Variants in LYPD8 observed in about 807,000 individuals in gnomAD.
The protein encoded by LYPD8 is ly6/PLAUR domain-containing protein 8.
Under a neutral mutation model 1.7 loss-of-function variants are expected in LYPD8, and 8 were observed. The ratio of observed to expected loss-of-function variants is 4.58; its 90% CI spans 2.69 to 8.27. LYPD8 has a LOEUF of 8.27. Among genes scored for constraint, LYPD8 ranks in the 30% most tolerant of loss-of-function variants. The probability of loss-of-function intolerance (pLI) is 0.00; values close to 1 mark genes in which losing one functional copy is unlikely to be tolerated. For missense variants in LYPD8, 112 were observed against 102.3 expected, an observed-to-expected ratio of 1.09 and a Z score of -0.41; for synonymous variants, 50 against 43.6, an observed-to-expected ratio of 1.15 and a Z score of -0.58.
chr1:248,739,464 G>T lies in LYPD8; in HGVS notation c.*147C>A. On this transcript the variant is annotated 3_prime_UTR_variant, in exon 7 of 7. Transcript: ENST00000590317. The surrounding 1 kb of genome is among the most constrained non-coding windows in gnomAD (Gnocchi z 4.3). ...TTTAATAATGAAGAACAAGGCAGCT[G>T]TCGGCATTGCCTGGAGACCTGTGAC... 9.4e-7 allele frequency: 1 copy of T among 1,058,646 alleles called. No homozygotes were observed. The highest frequency in any genetic ancestry group is 1.3e-6 in the Non-Finnish European group (1 of 742,152). The allele number at this position is 1,058,646 out of a possible 1,614,324, so 65.6% of individuals were successfully genotyped here. A position where few individuals can be genotyped will look rare whatever the true frequency, so the allele number is the denominator to read the frequency against.
At chr1:248,743,902 C>G (rs147113758) in intron 6 of LYPD8, among the ~76,000 whole-genome samples, 67 of 152,350 alleles carry the variant, frequency 4.4e-4, no homozygotes, top group African/African-American at 1.5e-3. Flanking sequence ...CTGGACTCTG[C>G]AATGAACTGC....
chr1:248,755,230 G>A lies in LYPD8; in HGVS notation c.-50+9C>T, dbSNP rs1662902803. 1 of 152,250 alleles carries A rather than the reference G, an allele frequency of 6.6e-6. No individual in the cohort carries two copies. The highest frequency in any genetic ancestry group is 6.5e-5 in the Admixed American group (1 of 15,280). The allele number at this position is 152,250 out of a possible 1,614,324, so 9.4% of individuals were successfully genotyped here. On this transcript the variant is annotated intron_variant, in intron 2 of 6. Transcript: ENST00000590317. The stretch of plus-strand genomic sequence containing the variant: ...CCAGTGAAGCTGGGGCTCAAGGCAG[G>A]GCCCCCACCTGGGACATGAGAAGAA...
chr1:248,750,576 A>G lies in LYPD8; in HGVS notation c.120T>C (p.Cys40=). ...KSCVNSIASE[C]PSHANTSCIS... ...TACAGCTGGTGTTGGCATGTGAGGG[A>G]CATTCAGAGGCAATGCTGTTGACAC... is the stretch of plus-strand genomic sequence containing the variant. Residue 40 remains cysteine, a synonymous_variant, in exon 4 of 7, where the codon TGT becomes TGC. Transcript: ENST00000590317. 2.5e-6 allele frequency: 1 copy of G among 398,672 alleles called. No individual in the cohort carries two copies. The highest frequency in any genetic ancestry group is 3.6e-5 in the East Asian group (1 of 28,082). 24.7% of individuals were successfully genotyped at this position (398,672 alleles called of 1,614,324 possible). A position where few individuals can be genotyped will look rare whatever the true frequency, so the allele number is the denominator to read the frequency against.
At chr1:248,752,503 C>G (rs1662815056) in intron 2 of LYPD8, among the ~76,000 whole-genome samples, 1 of 151,492 alleles carries the variant, frequency 6.6e-6, no homozygotes, top group Admixed American at 6.6e-5. Context: ...ACCCCCCACA[C>G]ACACCAAACA....
At chr1:248,750,173 G>A (rs1466742471) in intron 4 of LYPD8, among the ~76,000 whole-genome samples, 4 of 152,186 alleles carry the variant, frequency 2.6e-5, no homozygotes, top group Non-Finnish European at 5.9e-5. Flanking sequence ...AGAAGAGGAG[G>A]AACCATGAGA....
intron 5 of LYPD8, among the ~76,000 whole-genome samples, chr1:248,746,400 T>C (rs956895285): frequency 8.5e-5 from 13 of 152,310 alleles, no homozygotes; most frequent in African/African-American, 2.6e-4. Context: ...GTTTGCCCCA[T>C]TTGTTTCCTG....
chr1:248,753,832 C>G (rs1222673858), intron 2 of LYPD8, among the ~76,000 whole-genome samples: 10 of 145,546 alleles, frequency 6.9e-5, no homozygotes. Context: ...CATAACATCA[C>G]ATGTCACACA....
At chr1:248,752,412 C>T (rs1373417873) in intron 2 of LYPD8, among the ~76,000 whole-genome samples, 23 of 151,966 alleles carry the variant, frequency 1.5e-4, no homozygotes, top group African/African-American at 5.3e-4. Context: ...CCTAGTTGCA[C>T]CACAATAGCT....
chr1:248,750,524 C>G lies in LYPD8; in HGVS notation c.172G>C (p.Glu58Gln). 1 of 398,618 alleles carries G rather than the reference C, an allele frequency of 2.5e-6. No homozygotes were observed. The allele number at this position is 398,618 out of a possible 1,614,324, so 24.7% of individuals were successfully genotyped here. The change falls in exon 4 of 7, where the codon GAG (glutamate) becomes CAG (glutamine). Residue 58 changes from glutamate (E) to glutamine (Q), a missense_variant and splice_region_variant. By Grantham distance (29) the Glu-to-Gln change is conservative. Transcript: ENST00000590317. ...GAAGGACACACACACCCAGGCTCAC[C>G]TAGAGAGGAGCTGGCTGAGGAGCTG... ...CISSSASSSL[E>Q]TPVRLYQNMF...
At chr1:248,751,673 C>G (rs1662804685) in intron 2 of LYPD8, among the ~76,000 whole-genome samples, 1 of 152,104 alleles carries the variant, frequency 6.6e-6, no homozygotes, top group Non-Finnish European at 1.5e-5. Flanking sequence ...TTATTAGCAT[C>G]CTAAGAAAAA....
At position 248,745,148 on chromosome 1, in the gene LYPD8, T is replaced by C. The variant is rs1662708493; in HGVS notation, c.469A>G (p.Lys157Glu). 2.5e-6 allele frequency: 1 copy of C among 398,488 alleles called. No individual in the cohort carries two copies. Among genetic ancestry groups the C allele is most frequent in the African/African-American group, 2.1e-5 (1 of 48,614 alleles). The allele number at this position is 398,488 out of a possible 1,614,324, so 24.7% of individuals were successfully genotyped here. The change falls in exon 6 of 7, where the codon AAG (lysine) becomes GAG (glutamate). Residue 157 changes from lysine to glutamate, a missense_variant. Coordinates refer to ENST00000590317, the MANE Select transcript of LYPD8 (RefSeq NM_001085474.2). ...EQCVFLVAELKNDIESKSLVL... is the reference protein window; with the variant it reads ...EQCVFLVAELENDIESKSLVL... ...TTAGAACTCCAAGACTTACCATTCT[T>C]AAGTTCTGCAACTAGAAAGACACAC... is the stretch of plus-strand genomic sequence containing the variant.
At chr1:248,750,352 C>T (rs1162677457) in intron 4 of LYPD8, among the ~76,000 whole-genome samples, 172 bp downstream of exon 4, 3 of 152,200 alleles carry the variant, frequency 2.0e-5, no homozygotes, top group Non-Finnish European at 4.4e-5. Context: ...TCTTGTCTGG[C>T]TCCTGCTTGC....
At chr1:248,745,629 C>G (rs931932897) in intron 5 of LYPD8, among the ~76,000 whole-genome samples, 1 of 152,154 alleles carries the variant, frequency 6.6e-6, no homozygotes, top group Non-Finnish European at 1.5e-5. Flanking sequence ...GTTACTAAAT[C>G]CTGCTCTGAA....
chr1:248,744,774 T>A (rs1662701930), intron 6 of LYPD8, among the ~76,000 whole-genome samples: 1 of 152,074 alleles, frequency 6.6e-6, no homozygotes, highest in African/African-American at 2.4e-5. Flanking sequence ...AACTAGAGAA[T>A]AAAAGTGTAG....
At chr1:248,740,311 T>G (rs1244153233) in intron 6 of LYPD8, among the ~76,000 whole-genome samples, 1 of 152,240 alleles carries the variant, frequency 6.6e-6, no homozygotes, top group African/African-American at 2.4e-5. Context: ...TCTCTGGACC[T>G]GAGTCCTCCC....
At chr1:248,751,382 C>T (rs1662799631) in intron 2 of LYPD8, among the ~76,000 whole-genome samples, 1 of 152,256 alleles carries the variant, frequency 6.6e-6, no homozygotes, top group Middle Eastern at 3.4e-3. Context: ...CCCGTGGAGC[C>T]AATTCAGTTG....
At chr1:248,753,883 ACACACAC>A (rs1161970602) in intron 2 of LYPD8, among the ~76,000 whole-genome samples, 2 of 150,402 alleles carry the variant, frequency 1.3e-5, no homozygotes. Context: ...CATGCATCAC[ACACACAC>A]CACACATCAC....
At chr1:248,753,766 A>T (rs1028485334) in intron 2 of LYPD8, among the ~76,000 whole-genome samples, 29 of 149,200 alleles carry the variant, frequency 1.9e-4, no homozygotes, top group African/African-American at 6.9e-4. Context: ...TACACACCAC[A>T]TCACACACAC....
intron 2 of LYPD8, among the ~76,000 whole-genome samples, chr1:248,752,771 C>A (rs1662828366): frequency 8.7e-6 from 1 of 115,376 alleles, no homozygotes; most frequent in African/African-American, 3.4e-5. Flanking sequence ...CCACACACCC[C>A]ACACAACACA....
Sources: gnomAD v4.1 joint callset for allele counts (sites outside exome capture counted in the v4.1 genomes callset) on GRCh38, gnomAD v4.1.1 for gene constraint, Gnocchi (gnomAD v3.1) non-coding constraint, MANE v1.5 for transcripts, NCBI Gene and HGNC (gene_info 2026-07-23, HGNC 2026-07-21) for gene names.